Variants in THSD7A observed in about 807,000 individuals in gnomAD.
THSD7A encodes thrombospondin type 1 domain containing 7A.
A neutral mutation model predicts 231.3 loss-of-function variants in THSD7A; 96 were observed. The observed-to-expected ratio is 0.41, with a 90% CI of 0.35 to 0.49. The LOEUF is 0.49. Among genes scored for constraint, THSD7A ranks in the 20% least tolerant of loss-of-function variants. The pLI, the probability that THSD7A is intolerant of heterozygous loss-of-function variation, is 0.05. For missense variants in THSD7A, 2,290 were observed against 2,070.2 expected (o/e 1.11, Z -2.06); for synonymous variants, 940 against 743.3 (o/e 1.26, Z -4.30).
chr7:11,541,129 T>G (rs1789129280), intron 6 of THSD7A, among the ~76,000 whole-genome samples: 1 of 152,248 alleles, frequency 6.6e-6, no homozygotes, highest in South Asian at 2.1e-4. Context: ...ATTGTTAAAT[T>G]TGGCAATTAT....
At chr7:11,518,532 G>T (rs1214048494) in intron 6 of THSD7A, among the ~76,000 whole-genome samples, 1 of 151,826 alleles carries the variant, frequency 6.6e-6, no homozygotes, top group African/African-American at 2.4e-5. Context: ...AGTAAACGAG[G>T]TAAGACAAGA....
intron 1 of THSD7A, among the ~76,000 whole-genome samples, chr7:11,671,586 A>G (rs770514550): frequency 6.6e-6 from 1 of 152,180 alleles, no homozygotes; most frequent in Non-Finnish European, 1.5e-5. Context: ...ACGGTTACAT[A>G]AAATAATCTT....
At chr7:11,463,044 C>A (rs1414538389) in intron 9 of THSD7A, among the ~76,000 whole-genome samples, 1 of 152,080 alleles carries the variant, frequency 6.6e-6, no homozygotes, top group Non-Finnish European at 1.5e-5. Flanking sequence ...TTAATAGAAT[C>A]CTCCTGATGC....
At chr7:11,798,930 CT>C (rs11338039) in intron 1 of THSD7A, among the ~76,000 whole-genome samples, 38,186 of 147,108 alleles carry the variant, frequency 0.26, 6,320 homozygotes, top group African/African-American at 0.48. Context: ...TTGAACAACT[CT>C]TTTTTTTTTT....
chr7:11,417,206 T>G (rs1783990572), intron 17 of THSD7A, among the ~76,000 whole-genome samples: 1 of 152,118 alleles, frequency 6.6e-6, no homozygotes, highest in African/African-American at 2.4e-5. Context: ...TGTGCTGGAT[T>G]AGGATGATGG....
chr7:11,813,974 G>A (rs1294577622), intron 1 of THSD7A, among the ~76,000 whole-genome samples: 4 of 152,130 alleles, frequency 2.6e-5, no homozygotes, highest in Non-Finnish European at 5.9e-5. Flanking sequence ...TATTTATCCA[G>A]TGGAATTCTA....
intron 13 of THSD7A, among the ~76,000 whole-genome samples, chr7:11,432,998 T>C (rs1784527079): frequency 6.6e-6 from 1 of 152,016 alleles, no homozygotes; most frequent in African/African-American, 2.4e-5. Context: ...GGAGGGCAGA[T>C]GTGGCAGAGT....
At chr7:11,518,635 G>A (rs980155581) in intron 6 of THSD7A, among the ~76,000 whole-genome samples, 37 of 145,658 alleles carry the variant, frequency 2.5e-4, no homozygotes, top group Non-Finnish European at 3.9e-4. Flanking sequence ...ACACAGGCAC[G>A]CACACATAGA....
At chr7:11,517,379 C>G (rs928083310) in intron 6 of THSD7A, among the ~76,000 whole-genome samples, 5 of 151,802 alleles carry the variant, frequency 3.3e-5, no homozygotes, top group Admixed American at 1.3e-4. Flanking sequence ...TGCCCGGCCC[C>G]CATATCATTA....
chr7:11,647,448 T>C (rs1052416330), intron 1 of THSD7A, among the ~76,000 whole-genome samples: 1 of 152,042 alleles, frequency 6.6e-6, no homozygotes, highest in Non-Finnish European at 1.5e-5. Flanking sequence ...TCTCCAATCA[T>C]GCAATCTGTT....
chr7:11,594,467 A>G (rs1780284376), intron 2 of THSD7A, among the ~76,000 whole-genome samples: 1 of 152,102 alleles, frequency 6.6e-6, no homozygotes, highest in African/African-American at 2.4e-5. Flanking sequence ...TCTACTTCTA[A>G]TAGTATGGAG....
intron 2 of THSD7A, among the ~76,000 whole-genome samples, chr7:11,614,007 A>T (rs1268096897): frequency 1.3e-5 from 2 of 152,198 alleles, no homozygotes; most frequent in Non-Finnish European, 2.9e-5. Flanking sequence ...CCCATCATCC[A>T]GGAGTAACTG....
chr7:11,792,179 A>G (rs1783972269), intron 1 of THSD7A, among the ~76,000 whole-genome samples: 1 of 151,856 alleles, frequency 6.6e-6, no homozygotes, highest in Non-Finnish European at 1.5e-5. Context: ...TCTCTCCATC[A>G]TTATTGCATT....
chr7:11,743,280 C>T (rs994494150), intron 1 of THSD7A, among the ~76,000 whole-genome samples: 6 of 151,712 alleles, frequency 4.0e-5, no homozygotes, highest in African/African-American at 1.5e-4. Context: ...AACATCAAAC[C>T]TCATTTACCA....
chr7:11,648,637 C>CGTGTGTGTGTGTGT (rs3031455), intron 1 of THSD7A, among the ~76,000 whole-genome samples: 9,154 of 140,954 alleles, frequency 0.065, 386 homozygotes, highest in African/African-American at 0.079. Flanking sequence ...TATTTTGTGG[C>CGTGTGTGTGTGTGT]GTGTGTGTGT....
At chr7:11,589,371 C>T (rs898922843) in intron 4 of THSD7A, among the ~76,000 whole-genome samples, 6 of 152,108 alleles carry the variant, frequency 3.9e-5, no homozygotes, top group Admixed American at 3.9e-4. Flanking sequence ...CACATTGTTC[C>T]CTTGCCTGAA....
At chr7:11,750,632 C>T (rs1172343208) in intron 1 of THSD7A, among the ~76,000 whole-genome samples, 1 of 151,930 alleles carries the variant, frequency 6.6e-6, no homozygotes, top group East Asian at 1.9e-4. Flanking sequence ...CCTGACGTGG[C>T]GCAGGTTGTC....
intron 1 of THSD7A, among the ~76,000 whole-genome samples, chr7:11,803,223 CTGAG>C (rs1784322042): frequency 6.6e-6 from 1 of 152,056 alleles, no homozygotes; most frequent in Non-Finnish European, 1.5e-5. Flanking sequence ...ACCAGACAGG[CTGAG>C]TATTTTATCT....
chr7:11,388,899 C>T (rs948773659), intron 23 of THSD7A, among the ~76,000 whole-genome samples: 2 of 152,088 alleles, frequency 1.3e-5, no homozygotes, highest in Non-Finnish European at 2.9e-5. Context: ...GTTCAGTTTC[C>T]ATGTAGTTGT....
Sources: allele counts gnomAD v4.1 joint callset (sites outside exome capture counted in the v4.1 genomes callset), GRCh38; gene constraint gnomAD v4.1.1; transcripts MANE v1.5; gene names NCBI Gene and HGNC (gene_info 2026-07-23, HGNC 2026-07-21).